DIAPH2: variants seen among roughly 807,000 people sequenced by gnomAD.
DIAPH2 encodes diaphanous related formin 2, also known as protein diaphanous homolog 2.
DIAPH2 carries 35 observed loss-of-function variants against 92.7 expected under a neutral mutation model. That is an observed-to-expected ratio of 0.38 (90% CI 0.29 to 0.50). The LOEUF is 0.50. Ranked by LOEUF, DIAPH2 falls within the 20% of genes least tolerant of loss-of-function variation. The pLI is 0.94. For missense variants in DIAPH2, 701 were observed against 819.5 expected, an observed-to-expected ratio of 0.86 and a Z score of 1.77; for synonymous variants, 301 against 280.4, an observed-to-expected ratio of 1.07 and a Z score of -0.73.
chrX:97,456,126 G>A (rs1310708507), intron 26 of DIAPH2, among the ~76,000 whole-genome samples: 1 of 112,445 alleles, frequency 8.9e-6, no homozygotes, highest in African/African-American at 3.2e-5. Context: ...GGTGGCTCAC[G>A]CCTGTAATCC....
At chrX:97,516,269 A>G (rs1363880300) in intron 26 of DIAPH2, among the ~76,000 whole-genome samples, 5 of 110,859 alleles carry the variant, frequency 4.5e-5, no homozygotes, top group Non-Finnish European at 9.4e-5. Flanking sequence ...AAAATAATAA[A>G]TAAAAAAAAA....
intron 1 of DIAPH2, among the ~76,000 whole-genome samples, chrX:96,689,113 G>A (rs1284243598): frequency 1.8e-5 from 2 of 108,750 alleles, no homozygotes; most frequent in East Asian, 2.9e-4. Context: ...GTGAGGGAAA[G>A]GCATTCTAGG....
At chrX:97,103,829 C>G (rs955115585) in intron 20 of DIAPH2, among the ~76,000 whole-genome samples, 6 of 111,993 alleles carry the variant, frequency 5.4e-5, no homozygotes, top group Non-Finnish European at 1.1e-4. Context: ...CCCACCTCTC[C>G]TACTTTCATC....
At chrX:97,019,434 G>T (rs906918942) in intron 17 of DIAPH2, among the ~76,000 whole-genome samples, 1 of 110,609 alleles carries the variant, frequency 9.0e-6, no homozygotes, top group Non-Finnish European at 1.9e-5. Context: ...AGTTATTTAT[G>T]ATAATATAGT....
At chrX:97,181,058 T>G (rs1482541843) in intron 22 of DIAPH2, among the ~76,000 whole-genome samples, 1 of 109,301 alleles carries the variant, frequency 9.1e-6, no homozygotes, top group African/African-American at 3.3e-5. Flanking sequence ...AATGGCAGTT[T>G]TGTTGTTGTT....
At chrX:97,555,708 CTG>C (rs895705412) in intron 26 of DIAPH2, among the ~76,000 whole-genome samples, 5 of 111,602 alleles carry the variant, frequency 4.5e-5, no homozygotes, top group Non-Finnish European at 9.4e-5. Context: ...AAATAAAACT[CTG>C]TGTCAAAGCC....
At position 97,519,470 on chromosome X, in the gene DIAPH2, T is replaced by A. The variant is rs543073064; in HGVS notation, c.3242-79783T>A. ...ATTACCACGTGTCATATTCACCAGT[T>A]CTCTCTTTTCTTTAAAAATGCTTAG... On this transcript the variant is annotated intron_variant, in intron 26 of 26. Transcript: ENST00000324765. Among the ~76,000 whole-genome samples the A allele has an allele frequency of 3.6e-5, 4 of 112,376 alleles. No individual in the cohort carries two copies. In the South Asian group the frequency reaches 1.5e-3, roughly 41 times the overall value.
chrX:97,206,563 C>A (rs2067797782), intron 22 of DIAPH2, among the ~76,000 whole-genome samples: 1 of 111,238 alleles, frequency 9.0e-6, no homozygotes, highest in Non-Finnish European at 1.9e-5. Context: ...AGACTTGGAT[C>A]ATACATGAAA....
At chrX:97,004,277 T>C (rs1005105959) in intron 17 of DIAPH2, among the ~76,000 whole-genome samples, 2 of 111,650 alleles carry the variant, frequency 1.8e-5, no homozygotes, top group African/African-American at 3.2e-5. Flanking sequence ...TCTCAGTCTT[T>C]TGTGGTTCCA....
chrX:97,172,107 A>G (rs1218239458), intron 22 of DIAPH2, among the ~76,000 whole-genome samples: 2 of 111,872 alleles, frequency 1.8e-5, no homozygotes, highest in Non-Finnish European at 3.8e-5. Context: ...GTAGTTGAGG[A>G]ACTTTAGTTT....
At chrX:97,258,177 T>G (rs2084093158) in intron 23 of DIAPH2, among the ~76,000 whole-genome samples, 2 of 111,975 alleles carry the variant, frequency 1.8e-5, no homozygotes, top group Non-Finnish European at 3.8e-5. Context: ...ATTCCTTACT[T>G]TTTTCACTTT....
At chrX:97,200,860 C>G (rs1297931968) in intron 22 of DIAPH2, among the ~76,000 whole-genome samples, 1 of 111,804 alleles carries the variant, frequency 8.9e-6, no homozygotes, top group Non-Finnish European at 1.9e-5. Flanking sequence ...TCCATGACCC[C>G]CATGCCTCCT....
chrX:97,261,154 A>G (rs1185865523), intron 23 of DIAPH2, among the ~76,000 whole-genome samples: 1 of 112,583 alleles, frequency 8.9e-6, no homozygotes, highest in Non-Finnish European at 1.9e-5. Context: ...TAAGTTTATA[A>G]AAACCTGGCA....
chrX:97,509,863 A>G (rs28799429), intron 26 of DIAPH2, among the ~76,000 whole-genome samples: 2,970 of 110,435 alleles, frequency 0.027, 34 homozygotes, highest in Middle Eastern at 0.042. Context: ...GCTGCATAGT[A>G]TTCCATGGTG....
chrX:97,125,684 AAATT>A (rs1479069065), intron 21 of DIAPH2, among the ~76,000 whole-genome samples: 1 of 110,512 alleles, frequency 9.0e-6, no homozygotes, highest in African/African-American at 3.3e-5. Flanking sequence ...GGAAATAAGA[AAATT>A]AATGCATCTG....
rs1034547558 is a variant in DIAPH2 at position 96,704,699 on chromosome X, G to A, written c.132+19509G>A. ...ATTCCTGTATTTGATATGTATTGTAGTATAGTTCAGTTTCCTAATATGTTT... is the reference window on the plus strand; with the variant it reads ...ATTCCTGTATTTGATATGTATTGTAATATAGTTCAGTTTCCTAATATGTTT... On this transcript the variant is annotated intron_variant, in intron 1 of 26. Transcript: ENST00000324765. 7.2e-5 allele frequency among the ~76,000 whole-genome samples: 8 copies of A among 111,356 alleles called. No individual in the cohort carries two copies. In the Admixed American group the frequency reaches 7.7e-4, roughly 11 times the overall value.
intron 17 of DIAPH2, among the ~76,000 whole-genome samples, chrX:97,013,396 T>C (rs190542406): frequency 3.3e-4 from 37 of 112,068 alleles, no homozygotes; most frequent in Non-Finnish European, 3.9e-4. Context: ...TTTCTGCTCA[T>C]TGAACACAGA....
chrX:96,973,688 C>CTTTTTTTTTT (rs1169211955), intron 17 of DIAPH2, among the ~76,000 whole-genome samples: 1 of 46,703 alleles, frequency 2.1e-5, no homozygotes, highest in African/African-American at 9.2e-5. Flanking sequence ...TGAATATTTG[C>CTTTTTTTTTT]TTTTTTTTTT....
intron 22 of DIAPH2, among the ~76,000 whole-genome samples, chrX:97,175,427 A>C (rs190856323): frequency 8.9e-6 from 1 of 111,921 alleles, no homozygotes; most frequent in Non-Finnish European, 1.9e-5. Context: ...AGAAGAAAAA[A>C]TGTAAAAAGT....
Sources: gnomAD v4.1 joint callset for allele counts (sites outside exome capture counted in the v4.1 genomes callset) on GRCh38, gnomAD v4.1.1 for gene constraint, MANE v1.5 for transcripts, NCBI Gene and HGNC (gene_info 2026-07-23, HGNC 2026-07-21) for gene names.